The following SLC23A2 variants were observed in gnomAD, a reference collection of about 807,000 sequenced individuals.
SLC23A2 encodes the protein solute carrier family 23 member 2.
SLC23A2 carries 36 observed loss-of-function variants against 73.3 expected under a neutral mutation model. That is an observed-to-expected ratio of 0.49 (90% CI 0.38 to 0.65). SLC23A2 has a LOEUF of 0.65. Among genes scored for constraint, SLC23A2 ranks in the 30% least tolerant of loss-of-function variants. The pLI, the probability that SLC23A2 is intolerant of heterozygous loss-of-function variation, is 0.00. For synonymous variants in SLC23A2, 343 were observed against 327.3 expected (o/e 1.05, Z -0.52); for missense variants, 507 against 841.6 (o/e 0.60, Z 4.92).
chr20:4,931,216 G>A (rs1341058136), intron 3 of SLC23A2, among the ~76,000 whole-genome samples: 1 of 151,784 alleles, frequency 6.6e-6, no homozygotes, highest in African/African-American at 2.4e-5. Context: ...ATGGTGGCAG[G>A]CATCTGTGAT....
chr20:4,895,035 G>A lies in SLC23A2; in HGVS notation c.482+4520C>T, dbSNP rs376194151. Among the ~76,000 whole-genome samples the A allele has an allele frequency of 1.1e-3, 169 of 152,308 alleles. No individual in the cohort carries two copies. In the South Asian group the frequency reaches 0.011, roughly 10 times the overall value. ...GCTCCCTTCACCCACAACATCCAGC[G>A]TGACAGAAATACTGGGTACTCAGCA... On this transcript the variant is annotated intron_variant, in intron 6 of 16. Coordinates refer to ENST00000338244, the MANE Select transcript of SLC23A2 (RefSeq NM_005116.6).
rs2122888468 is a variant in SLC23A2 at position 4,909,780 on chromosome 20, C to T, written c.207+3100G>A. On this transcript the variant is annotated intron_variant, in intron 4 of 16. Transcript: ENST00000338244. ...CCATGTTGCCCAGGCTAGTCTCAAA[C>T]TCCTGAGCTCAGGCAATCCACCCAC... Among the ~76,000 whole-genome samples the T allele has an allele frequency of 1.3e-5, 2 of 152,244 alleles. 1 individual carries two copies. The highest frequency in any genetic ancestry group is 4.1e-4 in the South Asian group (2 of 4,826).
chr20:4,983,509 T>A (rs1007575987), intron 1 of SLC23A2, among the ~76,000 whole-genome samples: 2 of 150,822 alleles, frequency 1.3e-5, no homozygotes, highest in East Asian at 2.0e-4. Flanking sequence ...AGCCGGGCGT[T>A]GTGGCAGGTG....
intron 2 of SLC23A2, among the ~76,000 whole-genome samples, chr20:4,949,086 G>C (rs1348205096): frequency 6.6e-6 from 1 of 151,986 alleles, no homozygotes; most frequent in East Asian, 1.9e-4. Context: ...AGGAGTTTGA[G>C]ACCAGCCTGC....
intron 2 of SLC23A2, among the ~76,000 whole-genome samples, chr20:4,966,518 C>T (rs943756141): frequency 2.6e-5 from 4 of 151,896 alleles, no homozygotes; most frequent in Admixed American, 2.6e-4. Context: ...CAAAGGGTTG[C>T]TATGAAAATA....
chr20:4,902,622 T>C lies in SLC23A2; in HGVS notation c.208-64A>G. 6 of 825,668 alleles carry C rather than the reference T, an allele frequency of 7.3e-6. No homozygotes were observed. The highest frequency in any genetic ancestry group is 1.2e-5 in the Non-Finnish European group (6 of 513,580). 51.1% of individuals were successfully genotyped at this position (825,668 alleles called of 1,614,324 possible). A position where few individuals can be genotyped will look rare whatever the true frequency, so the allele number is the denominator to read the frequency against. On this transcript the variant is annotated intron_variant, in intron 4 of 16. Transcript: ENST00000338244. The surrounding 1 kb of genome is among the most constrained non-coding windows in gnomAD (Gnocchi z 4.0). Reference sequence around the variant, plus strand: ...GTGAAGACCAGTGTTAGCTCGGCCATGTACAGGCCACTATTACAGAAAAAC... The same window carrying C: ...GTGAAGACCAGTGTTAGCTCGGCCACGTACAGGCCACTATTACAGAAAAAC...
At chr20:4,986,669 C>T (rs1302993720) in intron 1 of SLC23A2, among the ~76,000 whole-genome samples, 3 of 138,360 alleles carry the variant, frequency 2.2e-5, no homozygotes, top group Non-Finnish European at 4.8e-5. Flanking sequence ...CACACACACA[C>T]ACACACACAC....
At chr20:4,877,097 C>A (rs1465423174) in intron 9 of SLC23A2, among the ~76,000 whole-genome samples, 2 of 152,000 alleles carry the variant, frequency 1.3e-5, no homozygotes, top group East Asian at 3.8e-4. Context: ...ACCAACATGG[C>A]ACATGTATAC....
At chr20:5,005,855 G>T (rs1341161429), upstream of SLC23A2, among the ~76,000 whole-genome samples, 1 of 152,004 alleles carries the variant, frequency 6.6e-6, no homozygotes, top group African/African-American at 2.4e-5. Context: ...GCATGGTGGC[G>T]CATGCCTGTA....
rs949859778 is a variant in SLC23A2, at chr20:4,868,561, T to C, written c.1251-686A>G. Among the ~76,000 whole-genome samples the C allele has an allele frequency of 6.6e-6, 1 of 152,258 alleles. No homozygotes were observed. The highest frequency in any genetic ancestry group is 1.5e-5 in the Non-Finnish European group (1 of 68,048). On this transcript the variant is annotated intron_variant, in intron 12 of 16. Transcript: ENST00000338244. This position sits in a 1 kb window ranked among gnomAD's most constrained non-coding sequence, Gnocchi z 4.4. ...CGTCTATGGAAATAAAACATTGATG[T>C]GATCCTTTACTCTTAAAATCCAGTT...
chr20:5,004,122 G>A (rs2088164210), upstream of SLC23A2, among the ~76,000 whole-genome samples: 1 of 152,116 alleles, frequency 6.6e-6, no homozygotes, highest in East Asian at 1.9e-4. Context: ...AGACAAGACA[G>A]ACATCTTTCT....
intron 2 of SLC23A2, among the ~76,000 whole-genome samples, chr20:4,945,611 G>A (rs1490009681): frequency 1.3e-5 from 2 of 152,158 alleles, no homozygotes; most frequent in African/African-American, 4.8e-5. Flanking sequence ...CCGCAAGTCA[G>A]TACCTACTAG....
intron 3 of SLC23A2, among the ~76,000 whole-genome samples, chr20:4,922,765 G>C (rs574833644): frequency 6.6e-6 from 1 of 151,996 alleles, no homozygotes; most frequent in Non-Finnish European, 1.5e-5. Context: ...CCGGGAGGCA[G>C]AGGCTGCAGT....
In SLC23A2 at chr20:4,907,712, C is replaced by T. The variant is rs540844589; in HGVS notation, c.208-5154G>A. 1.2e-4 allele frequency among the ~76,000 whole-genome samples: 18 copies of T among 150,280 alleles called. 1 individual carries two copies. Among genetic ancestry groups the T allele is most frequent in the African/African-American group, 4.2e-4 (17 of 40,958 alleles). Reference sequence around the variant, plus strand: ...AAGAGTTAAGTGTTAAATGTCAGAACAAGGAAAAAAGAATATAGAAATTAA... The same window carrying T: ...AAGAGTTAAGTGTTAAATGTCAGAATAAGGAAAAAAGAATATAGAAATTAA... On this transcript the variant is annotated intron_variant, in intron 4 of 16. Transcript: ENST00000338244.
chr20:4,994,010 A>AG (rs1332081184), intron 1 of SLC23A2, among the ~76,000 whole-genome samples: 2 of 152,148 alleles, frequency 1.3e-5, no homozygotes, highest in African/African-American at 4.8e-5. Flanking sequence ...GGATCTCTTG[A>AG]GCCCGGGAGG....
At position 4,855,180 on chromosome 20, in the gene SLC23A2, T is replaced by C. The variant is rs939092407; in HGVS notation, c.*1792A>G. 6.6e-6 allele frequency: 1 copy of C among 152,552 alleles called. No individual in the cohort carries two copies. Among genetic ancestry groups the C allele is most frequent in the African/African-American group, 2.4e-5 (1 of 41,466 alleles). 9.4% of individuals were successfully genotyped at this position (152,552 alleles called of 1,614,324 possible). A position where few individuals can be genotyped will look rare whatever the true frequency, so the allele number is the denominator to read the frequency against. On this transcript the variant is annotated 3_prime_UTR_variant, in exon 17 of 17. Coordinates refer to ENST00000338244, the MANE Select transcript of SLC23A2 (RefSeq NM_005116.6). Reference sequence around the variant, plus strand: ...TGGCTCCGAGGTGTTCTTGCCAGAATAAACCTTGAAGCCCCAAACTTCCAA... The same window carrying C: ...TGGCTCCGAGGTGTTCTTGCCAGAACAAACCTTGAAGCCCCAAACTTCCAA...
intron 6 of SLC23A2, among the ~76,000 whole-genome samples, chr20:4,894,862 T>C (rs1292392654): frequency 1.3e-5 from 2 of 152,238 alleles, no homozygotes; most frequent in African/African-American, 4.8e-5. Flanking sequence ...GAAACAGGTT[T>C]CCAGGATAGC....
chr20:5,003,342 C>G (rs1253430790), upstream of SLC23A2, among the ~76,000 whole-genome samples: 1 of 151,890 alleles, frequency 6.6e-6, no homozygotes, highest in Admixed American at 6.6e-5. Context: ...CGAGATCGCG[C>G]CACCGCACTC....
Position 4,884,782 on chromosome 20 carries a change from C to G in SLC23A2, c.613G>C (p.Glu205Gln). 1 of 1,595,296 alleles carries G rather than the reference C, an allele frequency of 6.3e-7. No homozygotes were observed. The highest frequency in any genetic ancestry group is 1.1e-5 in the South Asian group (1 of 87,090). The stretch of plus-strand genomic sequence containing the variant: ...CGGATCCGGGGATACCAGATGTGTT[C>G]TGTGTGCAACAGCTCTGCTGTTCCA... The part of the protein sequence containing the change: ...ANGTAELLHT[E>Q]HIWYPRIREI... The change falls in exon 8 of 17, where the codon GAA (glutamate) becomes CAA (glutamine). Residue 205 changes from glutamate to glutamine, a missense_variant. By Grantham distance (29) the Glu-to-Gln change is conservative (BLOSUM62 2). Transcript: ENST00000338244.
Sources: gnomAD v4.1 joint callset for allele counts (sites outside exome capture counted in the v4.1 genomes callset) on GRCh38, gnomAD v4.1.1 for gene constraint, Gnocchi (gnomAD v3.1) non-coding constraint, MANE v1.5 for transcripts, NCBI Gene and HGNC (gene_info 2026-07-23, HGNC 2026-07-21) for gene names.